NAALADL2: variants seen among roughly 807,000 people sequenced by gnomAD.
NAALADL2 encodes the protein N-acetylated alpha-linked acidic dipeptidase like 2.
NAALADL2 carries 76 observed loss-of-function variants against 87.2 expected under a neutral mutation model. That is an observed-to-expected ratio of 0.87 (90% CI 0.72 to 1.05). The LOEUF (loss-of-function observed/expected upper bound fraction) is 1.05. NAALADL2 is among the 50% of genes least tolerant of loss of function. The pLI, the probability that NAALADL2 is intolerant of heterozygous loss-of-function variation, is 0.00. For synonymous variants in NAALADL2, 354 were observed against 331.0 expected (o/e 1.07, Z -0.75); for missense variants, 1,089 against 945.8 (o/e 1.15, Z -1.99).
At chr3:175,251,400 C>T (rs957239165) in intron 3 of NAALADL2, among the ~76,000 whole-genome samples, 7 of 152,176 alleles carry the variant, frequency 4.6e-5, no homozygotes, top group African/African-American at 1.4e-4. Flanking sequence ...CTAAGTCGCA[C>T]GTCTCAATTA....
intron 2 of NAALADL2, among the ~76,000 whole-genome samples, chr3:174,726,416 A>AT: frequency 6.6e-6 from 1 of 152,264 alleles, no homozygotes; most frequent in African/African-American, 2.4e-5. Context: ...GTCATTAGTT[A>AT]TAATTCTGGT....
chr3:175,310,264 A>G (rs1758198292), intron 4 of NAALADL2, among the ~76,000 whole-genome samples: 1 of 152,242 alleles, frequency 6.6e-6, no homozygotes, highest in Admixed American at 6.5e-5. Flanking sequence ...CTTTATCTTC[A>G]TAGGATGATT....
At chr3:175,755,754 G>C (rs1192540330) in intron 13 of NAALADL2, among the ~76,000 whole-genome samples, 7 of 150,348 alleles carry the variant, frequency 4.7e-5, no homozygotes, top group Non-Finnish European at 1.5e-5. Flanking sequence ...TCAGGGGATA[G>C]ACCCATGCTA....
intron 5 of NAALADL2, among the ~76,000 whole-genome samples, chr3:175,420,372 G>A (rs752288396): frequency 6.6e-6 from 1 of 151,930 alleles, no homozygotes; most frequent in Non-Finnish European, 1.5e-5. Flanking sequence ...CACAGAATAA[G>A]ATGACACATT....
At chr3:175,557,272 T>A (rs1197913481) in intron 9 of NAALADL2, among the ~76,000 whole-genome samples, 1 of 152,200 alleles carries the variant, frequency 6.6e-6, no homozygotes, top group Non-Finnish European at 1.5e-5. Flanking sequence ...TTTTTGTGGG[T>A]ACATGGTAGT....
chr3:175,360,871 T>A (rs1029794067), intron 5 of NAALADL2, among the ~76,000 whole-genome samples: 79 of 150,948 alleles, frequency 5.2e-4, no homozygotes, highest in Admixed American at 1.2e-3. Flanking sequence ...TCTTTTTTTT[T>A]AATTTTTTTT....
chr3:175,613,855 A>G (rs907989641), intron 10 of NAALADL2, among the ~76,000 whole-genome samples: 1 of 152,226 alleles, frequency 6.6e-6, no homozygotes, highest in Non-Finnish European at 1.5e-5. Context: ...TTCATAATAC[A>G]TAAAATATTT....
chr3:175,256,720 A>G (rs1750012321), intron 4 of NAALADL2, 190 bp downstream of exon 4: 1 of 415,404 alleles, frequency 2.4e-6, no homozygotes, highest in Non-Finnish European at 4.2e-6. Context: ...TTTTAATTTA[A>G]GATATTTAAG....
intron 2 of NAALADL2, among the ~76,000 whole-genome samples, chr3:175,162,007 CAGTT>C (rs1024043772): frequency 8.5e-5 from 13 of 152,246 alleles, no homozygotes; most frequent in Non-Finnish European, 1.9e-4. Context: ...TGTTTTATCA[CAGTT>C]AGAGCAATTG....
At chr3:175,048,587 C>T (rs918722343) in intron 1 of NAALADL2, among the ~76,000 whole-genome samples, 3 of 150,310 alleles carry the variant, frequency 2.0e-5, no homozygotes, top group African/African-American at 7.4e-5. Flanking sequence ...TCTGGTTAGA[C>T]TTGAAGTAGC....
intron 10 of NAALADL2, among the ~76,000 whole-genome samples, chr3:175,592,307 C>CTTTTTTTTTTTTT (rs758914649): frequency 1.6e-4 from 7 of 43,236 alleles, no homozygotes; most frequent in Non-Finnish European, 4.3e-4. Context: ...TTTTTCTTTT[C>CTTTTTTTTTTTTT]TTTTTTTTTT....
intron 2 of NAALADL2, among the ~76,000 whole-genome samples, chr3:174,709,495 T>G (rs1041430326): frequency 1.3e-5 from 2 of 152,120 alleles, no homozygotes; most frequent in African/African-American, 2.4e-5. Context: ...AAGAAGATGA[T>G]TCTGGGTTTC....
intron 1 of NAALADL2, among the ~76,000 whole-genome samples, chr3:174,996,230 G>A (rs949149478): frequency 3.3e-5 from 5 of 152,148 alleles, no homozygotes; most frequent in Admixed American, 3.3e-4. Context: ...GGGCGCGGTG[G>A]CTCACGCCTG....
chr3:175,670,926 G>A (rs973977014), intron 11 of NAALADL2, among the ~76,000 whole-genome samples: 3 of 151,154 alleles, frequency 2.0e-5, no homozygotes, highest in East Asian at 1.9e-4. Flanking sequence ...GAACAATTTA[G>A]GATATTCCTA....
chr3:175,569,699 T>C (rs1466304079), intron 9 of NAALADL2, among the ~76,000 whole-genome samples: 1 of 151,994 alleles, frequency 6.6e-6, no homozygotes, highest in Non-Finnish European at 1.5e-5. Context: ...GAAGAAAGCC[T>C]TCTCTAGAAC....
chr3:175,356,792 C>T (rs1446664483), intron 5 of NAALADL2, among the ~76,000 whole-genome samples: 1 of 151,860 alleles, frequency 6.6e-6, no homozygotes, highest in Non-Finnish European at 1.5e-5. Context: ...GAAAAAGTGA[C>T]TTTGAGGATG....
intron 9 of NAALADL2, among the ~76,000 whole-genome samples, chr3:175,537,032 A>G (rs990432810): frequency 2.0e-5 from 3 of 152,352 alleles, no homozygotes; most frequent in Admixed American, 2.0e-4. Flanking sequence ...AGCTACTCTG[A>G]CAATCCAGAC....
At chr3:175,336,353 C>T (rs1761968721) in intron 5 of NAALADL2, among the ~76,000 whole-genome samples, 1 of 152,172 alleles carries the variant, frequency 6.6e-6, no homozygotes, top group Non-Finnish European at 1.5e-5. Context: ...ACCACGGAGT[C>T]ATTTTTGAGG....
chr3:175,294,102 C>G (rs1756005028), intron 4 of NAALADL2, among the ~76,000 whole-genome samples: 1 of 152,062 alleles, frequency 6.6e-6, no homozygotes, highest in Non-Finnish European at 1.5e-5. Context: ...AAATTCTAAC[C>G]AGGGAATTTG....
Sources: allele counts gnomAD v4.1 joint callset (sites outside exome capture counted in the v4.1 genomes callset), GRCh38; gene constraint gnomAD v4.1.1; transcripts MANE v1.5; gene names NCBI Gene and HGNC (gene_info 2026-07-23, HGNC 2026-07-21).